GRHL3: variants seen among roughly 807,000 people sequenced by gnomAD.
GRHL3 encodes grainyhead like transcription factor 3, also known as grainyhead-like protein 3 homolog.
GRHL3 carries 20 observed loss-of-function variants against 70.3 expected under a neutral mutation model. The ratio of observed to expected loss-of-function variants is 0.28; its 90% CI spans 0.20 to 0.41. GRHL3 has a LOEUF of 0.41. GRHL3 is among the 10% of genes least tolerant of loss of function. The pLI, the probability that GRHL3 is intolerant of heterozygous loss-of-function variation, is 1.00. For missense variants in GRHL3, 637 were observed against 762.3 expected (o/e 0.84, Z 1.94); for synonymous variants, 299 against 299.9 (o/e 1.00, Z 0.03).
chr1:24,356,100 C>T (rs1640707988), downstream of GRHL3, among the ~76,000 whole-genome samples: 2 of 151,858 alleles, frequency 1.3e-5, no homozygotes, highest in African/African-American at 2.4e-5. Context: ...GGGGTTTCAC[C>T]ATATTGGCCA....
rs1569895898 is a variant in GRHL3, at chr1:24,342,005, T to G, written c.1048-110T>G. On this transcript the variant is annotated intron_variant, in intron 8 of 15. Transcript: ENST00000361548. This position sits in a 1 kb window ranked among gnomAD's most constrained non-coding sequence, Gnocchi z 4.8. The stretch of plus-strand genomic sequence containing the variant: ...TTGCCTTCTAGGGGCCTAGTGAGGC[T>G]TAAGGGTGAGCAGCAGGCACACAGA... 4 of 1,059,548 alleles carry G rather than the reference T, an allele frequency of 3.8e-6. No homozygotes were observed. The African/African-American group carries it at 6.3e-5, about 17-fold the overall frequency. 65.6% of individuals were successfully genotyped at this position (1,059,548 alleles called of 1,614,324 possible).
downstream of GRHL3, chr1:24,358,676 C>T: frequency 7.3e-7 from 1 of 1,361,538 alleles, no homozygotes; most frequent in Non-Finnish European, 1.0e-6. Flanking sequence ...TTGCTGCAGT[C>T]TCTGGCATTC....
At chr1:24,364,334 C>G in exon 16 of GRHL3, 1 of 1,548,846 alleles carries the variant, frequency 6.5e-7, no homozygotes, top group Non-Finnish European at 8.7e-7. Flanking sequence ...AGCCCCACCA[C>G]CGTCAACAGC....
At position 24,337,281 on chromosome 1, in the gene GRHL3, A is replaced by G. The variant is rs947091223; in HGVS notation, c.686+130A>G. On this transcript the variant is annotated intron_variant, in intron 5 of 15. Coordinates refer to ENST00000361548, the MANE Select transcript of GRHL3 (RefSeq NM_198173.3). ...AGAAGTGGGGGATGAAGGCAGATAG[A>G]TAGAGGGAGACAGAATGATTCCCAC... 7.8e-5 allele frequency: 51 copies of G among 657,160 alleles called. No individual in the cohort carries two copies. The highest frequency in any genetic ancestry group is 1.3e-4 in the Non-Finnish European group (50 of 381,572). The allele number at this position is 657,160 out of a possible 1,614,324, so 40.7% of individuals were successfully genotyped here.
chr1:24,360,766 T>C (rs964116603), intron 15 of GRHL3: 14 of 1,267,520 alleles, frequency 1.1e-5, no homozygotes, highest in Non-Finnish European at 1.3e-5. Context: ...AAACAACCTA[T>C]AAATCAATGG....
intron 1 of GRHL3, chr1:24,319,918 C>G (rs2148640949): frequency 2.6e-6 from 1 of 383,508 alleles, no homozygotes; most frequent in East Asian, 6.0e-5. Context: ...TTTCTATCTT[C>G]TTGCCAAAAG....
Position 24,322,572 on chromosome 1 carries a change from G to A in GRHL3, c.17+3004G>A, listed in dbSNP as rs1639238468. Among the ~76,000 whole-genome samples the A allele has an allele frequency of 6.6e-6, 1 of 152,258 alleles. No individual in the cohort carries two copies. The highest frequency in any genetic ancestry group is 2.1e-4 in the South Asian group (1 of 4,836). On this transcript the variant is annotated intron_variant, in intron 1 of 15. Transcript: ENST00000361548. This position sits in a 1 kb window ranked among gnomAD's most constrained non-coding sequence, Gnocchi z 4.4. Reference sequence around the variant, plus strand: ...TGGCGGACTGGGCCGAGAGGCTTGAGCCAACCCTAACGGCGGCGGCCCGGG... The same window carrying A: ...TGGCGGACTGGGCCGAGAGGCTTGAACCAACCCTAACGGCGGCGGCCCGGG...
intron 11 of GRHL3, 72 bp downstream of exon 11, chr1:24,343,097 C>A: frequency 6.3e-7 from 1 of 1,585,242 alleles, no homozygotes; most frequent in Non-Finnish European, 8.6e-7. Context: ...CCTGCCTTAG[C>A]ACAGACCAGT....
At chr1:24,323,138 A>G (rs1639265491) in intron 1 of GRHL3, 2 of 1,429,896 alleles carry the variant, frequency 1.4e-6, no homozygotes, top group African/African-American at 2.8e-5. Context: ...CATGTTATAT[A>G]TTTGTTGTAT....
chr1:24,343,746 TGG>T, intron 11 of GRHL3, among the ~76,000 whole-genome samples: 1 of 152,296 alleles, frequency 6.6e-6, no homozygotes, highest in Admixed American at 6.5e-5. Context: ...GCTTCCATAC[TGG>T]AGAGTCTGAG....
chr1:24,354,545 C>T lies in GRHL3; in HGVS notation c.*57C>T. 1 of 1,069,644 alleles carries T rather than the reference C, an allele frequency of 9.3e-7. No homozygotes were observed. 66.3% of individuals were successfully genotyped at this position (1,069,644 alleles called of 1,614,324 possible). A position where few individuals can be genotyped will look rare whatever the true frequency, so the allele number is the denominator to read the frequency against. ...GCAAGGGGCCAGCAGGGACGTGGCC[C>T]CACGCCACACACAACCTCTCCACAT... On this transcript the variant is annotated 3_prime_UTR_variant, in exon 16 of 16. Coordinates refer to ENST00000361548, the MANE Select transcript of GRHL3 (RefSeq NM_198173.3).
Position 24,322,235 on chromosome 1 carries a change from C to T in GRHL3, c.17+2667C>T, listed in dbSNP as rs1639220662. On this transcript the variant is annotated intron_variant, in intron 1 of 15. Coordinates refer to ENST00000361548, the MANE Select transcript of GRHL3 (RefSeq NM_198173.3). This position sits in a 1 kb window ranked among gnomAD's most constrained non-coding sequence, Gnocchi z 4.4. Reference sequence around the variant, plus strand: ...GCCTCGCTCCCTGCTCTCTGGGCCCCACCGCTGCCGCCTGGAGTCTCCCCT... The same window carrying T: ...GCCTCGCTCCCTGCTCTCTGGGCCCTACCGCTGCCGCCTGGAGTCTCCCCT... Among the ~76,000 whole-genome samples, 1 of 152,198 alleles carries T rather than the reference C, an allele frequency of 6.6e-6. No individual in the cohort carries two copies. Among genetic ancestry groups the T allele is most frequent in the African/African-American group, 2.4e-5 (1 of 41,462 alleles).
rs762227235 is a variant in GRHL3, at chr1:24,319,565, TTGAG to T, written c.17+3_17+6del. On this transcript the variant is annotated splice_donor_variant and coding_sequence_variant, in exon 1 of 16. Coordinates refer to ENST00000361548, the MANE Select transcript of GRHL3 (RefSeq NM_198173.3). LOFTEE classifies it high-confidence loss of function. ...GGGAGCAGGAAGATGTCGAATGAACTTGAGTGAGTAAACATCGGTGGATACCTGC... is the reference window on the plus strand; with the variant it reads ...GGGAGCAGGAAGATGTCGAATGAACTTGAGTAAACATCGGTGGATACCTGC... 1 of 1,613,832 alleles carries T rather than the reference TTGAG, an allele frequency of 6.2e-7. No individual in the cohort carries two copies. The highest frequency in any genetic ancestry group is 8.5e-7 in the Non-Finnish European group (1 of 1,179,878).
rs923030066 is a variant in GRHL3, at chr1:24,336,844, G to A, written c.612+17G>A. The A allele has an allele frequency of 1.2e-5, 19 of 1,554,968 alleles. No individual in the cohort carries two copies. The highest frequency in any genetic ancestry group is 4.1e-5 in the African/African-American group (3 of 73,768). On this transcript the variant is annotated intron_variant, in intron 4 of 15. Transcript: ENST00000361548. The stretch of plus-strand genomic sequence containing the variant: ...CCACAGGAGGTGAGGGCGCATCCCC[G>A]CTCCCCTATAGCATAGATATGTGTG...
In GRHL3 at chr1:24,331,408, C is replaced by T. The variant is rs564950707; in HGVS notation, c.18-18C>T. 137 of 1,591,086 alleles carry T rather than the reference C, an allele frequency of 8.6e-5. No homozygotes were observed. In the South Asian group the frequency reaches 1.2e-3, roughly 14 times the overall value. On this transcript the variant is annotated intron_variant, in intron 1 of 15. Transcript: ENST00000361548. ...CCTCTGGGATAGCCTAAATTTGACT[C>T]TCCTTACTTGCATTCAGTTTCAGGT...
intron 1 of GRHL3, among the ~76,000 whole-genome samples, chr1:24,329,882 C>T (rs896786133): frequency 2.0e-5 from 3 of 152,192 alleles, no homozygotes; most frequent in Non-Finnish European, 2.9e-5. Flanking sequence ...ACAACTAGAA[C>T]TTTTCTGCTT....
At position 24,323,013 on chromosome 1, in the gene GRHL3, T is replaced by A; in HGVS notation, c.17+3445T>A. 2.0e-6 allele frequency: 3 copies of A among 1,475,508 alleles called. No homozygotes were observed. In the South Asian group the frequency reaches 3.6e-5, roughly 18 times the overall value. 91.4% of individuals were successfully genotyped at this position (1,475,508 alleles called of 1,614,324 possible). ...CAGCCATAGGCCACCCCGCTTCCTC[T>A]GTGCTTAGCCTCTGAAAAGAAGACA... On this transcript the variant is annotated intron_variant, in intron 1 of 15. Coordinates refer to ENST00000361548, the MANE Select transcript of GRHL3 (RefSeq NM_198173.3).
At chr1:24,358,242 C>T (rs1019083370), downstream of GRHL3, 9 of 606,276 alleles carry the variant, frequency 1.5e-5, no homozygotes, top group Admixed American at 4.2e-5. Context: ...GGAGTCGTGC[C>T]GGAAGGCAGC....
chr1:24,358,315 G>A (rs1367767482), downstream of GRHL3: 1 of 680,894 alleles, frequency 1.5e-6, no homozygotes, highest in East Asian at 2.8e-5. Flanking sequence ...TGCTCAGGAA[G>A]CCACTGGAGT....
Sources: allele counts gnomAD v4.1 joint callset (sites outside exome capture counted in the v4.1 genomes callset), GRCh38; gene constraint gnomAD v4.1.1; non-coding constraint Gnocchi (gnomAD v3.1); transcripts MANE v1.5; gene names NCBI Gene and HGNC (gene_info 2026-07-23, HGNC 2026-07-21).